Variants in SMC1A observed in about 807,000 individuals in gnomAD.
SMC1A encodes structural maintenance of chromosomes 1A.
SMC1A carries 4 observed loss-of-function variants against 94.5 expected under a neutral mutation model. The observed-to-expected ratio is 0.04, with a 90% confidence interval of 0.02 to 0.10. SMC1A has a LOEUF of 0.10. SMC1A is among the 10% of genes least tolerant of loss of function. The probability of loss-of-function intolerance (pLI) is 1.00; values close to 1 mark genes in which losing one functional copy is unlikely to be tolerated. For missense variants in SMC1A, 304 were observed against 989.0 expected (o/e 0.31, Z 9.29); for synonymous variants, 345 against 347.7 (o/e 0.99, Z 0.09).
rs1385076744 is a variant in SMC1A, at chrX:53,382,747, G to A, written c.3131-87C>T. On this transcript the variant is annotated intron_variant, in intron 20 of 24. Transcript: ENST00000322213. ...ATCCAGAGCAGGAACATCCCACTGA[G>A]AGAGAGGAATGCCTGAGGAGGGTCC... 4 of 1,084,577 alleles carry A rather than the reference G, an allele frequency of 3.7e-6. No individual in the cohort carries two copies. In the African/African-American group the frequency reaches 7.3e-5, roughly 20 times the overall value. 89.4% of individuals were successfully genotyped at this position (1,084,577 alleles called of 1,213,427 possible). A position where few individuals can be genotyped will look rare whatever the true frequency, so the allele number is the denominator to read the frequency against.
Position 53,382,667 on chromosome X carries a change from G to A in SMC1A, c.3131-7C>T. On this transcript the variant is annotated splice_polypyrimidine_tract_variant and splice_region_variant and intron_variant, in intron 20 of 24. Transcript: ENST00000322213. The stretch of plus-strand genomic sequence containing the variant: ...TTTCGGGCTGCTTCAAACTCTGCCA[G>A]AAAGAAAGACAGGAGACCCCTCAGT... 8.3e-7 allele frequency: 1 copy of A among 1,211,257 alleles called. No individual in the cohort carries two copies. The highest frequency in any genetic ancestry group is 1.1e-6 in the Non-Finnish European group (1 of 895,383).
chrX:53,399,930 A>C (rs1354674912), intron 15 of SMC1A, among the ~76,000 whole-genome samples, 200 bp from the exon 16 acceptor site: 4 of 111,467 alleles, frequency 3.6e-5, no homozygotes, highest in African/African-American at 1.3e-4. Flanking sequence ...TAAGTTCCTC[A>C]GCCTAGCCCT....
chrX:53,392,967 G>A (rs1307487180), intron 19 of SMC1A, among the ~76,000 whole-genome samples: 1 of 112,088 alleles, frequency 8.9e-6, no homozygotes, highest in East Asian at 2.8e-4. Context: ...ATATTCAGGA[G>A]GATTGGATAT....
intron 22 of SMC1A, among the ~76,000 whole-genome samples, chrX:53,381,518 C>T (rs1202778932): frequency 8.9e-6 from 1 of 112,057 alleles, no homozygotes; most frequent in Admixed American, 9.5e-5. Context: ...TTCTACTCAT[C>T]CTTTACATCT....
chrX:53,416,448 T>C (rs1386364794), intron 1 of SMC1A, among the ~76,000 whole-genome samples: 1 of 107,091 alleles, frequency 9.3e-6, no homozygotes, highest in Non-Finnish European at 1.9e-5. Context: ...TGGAGTGCAG[T>C]GGCGTGATCT....
Position 53,402,868 on chromosome X carries a change from C to CAAAAAAAAAAAA in SMC1A, c.2420+686_2420+697dup, listed in dbSNP as rs151144282. ...TGGGCGACAGAGCAAGACTCTGTCT[C>CAAAAAAAAAAAA]AAAAAAAAAAAAAAAAAGGGCCGGC... On this transcript the variant is annotated intron_variant, in intron 15 of 24. Transcript: ENST00000322213. 5.9e-3 allele frequency among the ~76,000 whole-genome samples: 59 copies of CAAAAAAAAAAAA among 10,064 alleles called. 16 individuals are homozygous for CAAAAAAAAAAAA. The highest frequency in any genetic ancestry group is 6.3e-3 in the Non-Finnish European group (47 of 7,474). 8.7% of individuals were successfully genotyped at this position (10,064 alleles called of 115,157 possible).
chrX:53,388,996 C>CAA (rs782012322), intron 19 of SMC1A, among the ~76,000 whole-genome samples: 37 of 31,045 alleles, frequency 1.2e-3, no homozygotes, highest in African/African-American at 1.9e-3. Flanking sequence ...GACTCCATCT[C>CAA]AAAAAAAAAA....
chrX:53,389,204 T>C (rs987775498), intron 19 of SMC1A, among the ~76,000 whole-genome samples: 15 of 106,643 alleles, frequency 1.4e-4, no homozygotes, highest in African/African-American at 4.8e-4. Context: ...TGAACAATCC[T>C]TCAGAAGAAA....
Position 53,394,887 on chromosome X carries a change from C to CCCTCTT in SMC1A, c.2863_2864insAAGAGG (p.Glu953_Glu954dup). 8.7e-7 allele frequency: 1 copy of CCCTCTT among 1,148,120 alleles called. No individual in the cohort carries two copies. The highest frequency in any genetic ancestry group is 1.2e-6 in the Non-Finnish European group (1 of 837,534). 94.6% of individuals were successfully genotyped at this position (1,148,120 alleles called of 1,213,427 possible). A position where few individuals can be genotyped will look rare whatever the true frequency, so the allele number is the denominator to read the frequency against. On this transcript the variant is annotated inframe_insertion and splice_region_variant, in exon 19 of 25. Transcript: ENST00000322213. Reference sequence around the variant, plus strand: ...CACTGAGTCCTCCCCCTGGGAGCTACCCTGCAATGGCAACGGAGAGTCAAG... The same window carrying CCCTCTT: ...CACTGAGTCCTCCCCCTGGGAGCTACCCTCTTCCTGCAATGGCAACGGAGAGTCAAG...
chrX:53,404,470 T>C lies in SMC1A; in HGVS notation c.2196+542A>G, dbSNP rs187940955. On this transcript the variant is annotated intron_variant, in intron 13 of 24. Transcript: ENST00000322213. ...CTTAAGCACTTTACATGTTAACTCA[T>C]TCAATAATGACCCTATAAAGTAGGT... 3.1e-4 allele frequency among the ~76,000 whole-genome samples: 34 copies of C among 111,073 alleles called. 1 individual carries two copies. The East Asian group carries it at 9.4e-3, about 31-fold the overall frequency.
At chrX:53,390,973 C>CAAAAAAAAAAAAAAAAAAAAAAAAAAAA (rs782771730) in intron 19 of SMC1A, among the ~76,000 whole-genome samples, 2 of 34,321 alleles carry the variant, frequency 5.8e-5, no homozygotes, top group Admixed American at 6.2e-4. Flanking sequence ...GACTCCGTCT[C>CAAAAAAAAAAAAAAAAAAAAAAAAAAAA]AAAAAAAAAA....
intron 19 of SMC1A, 23 bp downstream of exon 19, chrX:53,394,755 A>ACCCCCC: frequency 5.4e-6 from 1 of 185,573 alleles, no homozygotes; most frequent in Admixed American, 7.0e-5. Context: ...CACCCCCACC[A>ACCCCCC]CACCCCTGTG....
At chrX:53,393,289 C>T (rs1344298423) in intron 19 of SMC1A, among the ~76,000 whole-genome samples, 3 of 110,243 alleles carry the variant, frequency 2.7e-5, no homozygotes, top group Non-Finnish European at 5.7e-5. Flanking sequence ...TCTATAGTAC[C>T]AACGACCCAG....
intron 7 of SMC1A, among the ~76,000 whole-genome samples, chrX:53,410,393 C>T: frequency 9.1e-6 from 1 of 110,287 alleles, no homozygotes; most frequent in Non-Finnish European, 1.9e-5. Flanking sequence ...AAGTTCAAGA[C>T]CAGCCTGGTC....
At position 53,418,249 on chromosome X, in the gene SMC1A, C is replaced by T. The variant is rs781979590; in HGVS notation, c.110-3080G>A. 6.2e-5 allele frequency among the ~76,000 whole-genome samples: 7 copies of T among 112,462 alleles called. No homozygotes were observed. The South Asian group carries it at 2.5e-3, about 41-fold the overall frequency. Reference sequence around the variant, plus strand: ...TACCAAGTTCAAGTGATTCTCCTGCCTCAGTCTCCTGAATAGCTGGGACGA... The same window carrying T: ...TACCAAGTTCAAGTGATTCTCCTGCTTCAGTCTCCTGAATAGCTGGGACGA... On this transcript the variant is annotated intron_variant, in intron 1 of 24. Coordinates refer to ENST00000322213, the MANE Select transcript of SMC1A (RefSeq NM_006306.4).
At chrX:53,397,965 C>G (rs2075657693) in intron 16 of SMC1A, among the ~76,000 whole-genome samples, 1 of 109,371 alleles carries the variant, frequency 9.1e-6, no homozygotes, top group East Asian at 2.9e-4. Flanking sequence ...GCGGGCGGAT[C>G]ACTTGAGGCC....
rs782364230 is a variant in SMC1A, at chrX:53,414,885, A to C, written c.299-15T>G. 20 of 1,189,127 alleles carry C rather than the reference A, an allele frequency of 1.7e-5. No individual in the cohort carries two copies. Among genetic ancestry groups the C allele is most frequent in the Non-Finnish European group, 1.8e-5 (16 of 876,517 alleles). ...AGAAGAACCTCCTACAAGACAATGC[A>C]TGAGTTGGCAAGGGTCAGGCCTCCT... On this transcript the variant is annotated splice_polypyrimidine_tract_variant and intron_variant, in intron 2 of 24. Coordinates refer to ENST00000322213, the MANE Select transcript of SMC1A (RefSeq NM_006306.4).
At chrX:53,406,758 C>T (rs781836765) in intron 9 of SMC1A, among the ~76,000 whole-genome samples, 75 of 111,854 alleles carry the variant, frequency 6.7e-4, no homozygotes, top group Non-Finnish European at 1.2e-3. Flanking sequence ...AGTGCAGTGG[C>T]GCAATCTTGG....
intron 12 of SMC1A, 43 bp downstream of exon 12, chrX:53,405,202 C>T (rs2075686545): frequency 8.3e-7 from 1 of 1,210,551 alleles, no homozygotes; most frequent in African/African-American, 1.7e-5. Context: ...CTGACCTAGG[C>T]TTAGGACTCC....
Sources: allele counts gnomAD v4.1 joint callset (sites outside exome capture counted in the v4.1 genomes callset), GRCh38; gene constraint gnomAD v4.1.1; transcripts MANE v1.5; gene names NCBI Gene and HGNC (gene_info 2026-07-23, HGNC 2026-07-21).